The following HID1 variants were observed in gnomAD, a reference collection of about 807,000 sequenced individuals.
The protein encoded by HID1 is protein HID1.
In HID1, 42 loss-of-function variants were observed where a neutral mutation model predicts 89.7. That is an observed-to-expected ratio of 0.47 (90% confidence interval 0.37 to 0.61). The LOEUF (loss-of-function observed/expected upper bound fraction) is 0.61. HID1 is among the 20% of genes least tolerant of loss of function. HID1 has a pLI of 0.00. For synonymous variants in HID1, 442 were observed against 433.8 expected (o/e 1.02, Z -0.24); for missense variants, 854 against 1,039.3 (o/e 0.82, Z 2.45).
rs532581160 is a variant in HID1, at chr17:74,962,448, G to A, written c.505-108C>T. 8.2e-5 allele frequency: 53 copies of A among 646,034 alleles called. No individual in the cohort carries two copies. The South Asian group carries it at 8.7e-4, about 11-fold the overall frequency. The allele number at this position is 646,034 out of a possible 1,614,324, so 40.0% of individuals were successfully genotyped here. A position where few individuals can be genotyped will look rare whatever the true frequency, so the allele number is the denominator to read the frequency against. On this transcript the variant is annotated intron_variant, in intron 4 of 18. Coordinates refer to ENST00000425042, the MANE Select transcript of HID1 (RefSeq NM_030630.3). The surrounding 1 kb of genome is among the most constrained non-coding windows in gnomAD (Gnocchi z 4.3). The stretch of plus-strand genomic sequence containing the variant: ...TCACACAGTCCCAGGGGCAGAGACC[G>A]CCAGTTCTCCTAAAGACAGGTCCTC...
At chr17:74,960,361 A>G in intron 6 of HID1, 113 bp from the exon 7 acceptor site, 1 of 883,356 alleles carries the variant, frequency 1.1e-6, no homozygotes, top group Non-Finnish European at 1.7e-6. Context: ...TTTTAGCACC[A>G]CGTCAGGGAG....
intron 3 of HID1, 47 bp downstream of exon 3, chr17:74,963,693 G>A (rs1323119970): frequency 2.6e-6 from 4 of 1,536,528 alleles, no homozygotes; most frequent in African/African-American, 1.4e-5. Context: ...CGCTCTCCCT[G>A]TGACGCCAAC....
At chr17:74,954,642 T>C in intron 13 of HID1, 1 of 523,470 alleles carries the variant, frequency 1.9e-6, no homozygotes, top group Non-Finnish European at 3.4e-6. Flanking sequence ...ACTAAACAGC[T>C]AACACCTGGC....
rs2144795788 is a variant in HID1 at position 74,951,401 on chromosome 17, A to G, written c.*169T>C. ...CTAGGGGTTGAGGGGGATCTGAGCC[A>G]GTTCACATTGTCCTGGCCACAGGGG... On this transcript the variant is annotated 3_prime_UTR_variant, in exon 19 of 19. Transcript: ENST00000425042. 1.5e-6 allele frequency: 1 copy of G among 646,084 alleles called. No individual in the cohort carries two copies. Among genetic ancestry groups the G allele is most frequent in the South Asian group, 1.9e-5 (1 of 53,520 alleles). 40.0% of individuals were successfully genotyped at this position (646,084 alleles called of 1,614,324 possible).
chr17:74,954,456 AG>A, intron 13 of HID1, 91 bp from the exon 14 acceptor site: 1 of 1,537,684 alleles, frequency 6.5e-7, no homozygotes, highest in Non-Finnish European at 8.7e-7. Flanking sequence ...GGGAGTTTGG[AG>A]GACAGGAGGG....
chr17:74,968,829 CAT>C (rs2039600843), intron 1 of HID1, among the ~76,000 whole-genome samples: 1 of 152,226 alleles, frequency 6.6e-6, no homozygotes. Context: ...CACAAGCAGG[CAT>C]GACCTCTGAC....
At position 74,962,139 on chromosome 17, in the gene HID1, G is replaced by C; in HGVS notation, c.611+95C>G. 8.3e-7 allele frequency: 1 copy of C among 1,203,656 alleles called. No homozygotes were observed. Among genetic ancestry groups the C allele is most frequent in the Admixed American group, 2.2e-5 (1 of 45,920 alleles). 74.6% of individuals were successfully genotyped at this position (1,203,656 alleles called of 1,614,324 possible). On this transcript the variant is annotated intron_variant, in intron 5 of 18. Transcript: ENST00000425042. The surrounding 1 kb of genome is among the most constrained non-coding windows in gnomAD (Gnocchi z 4.3). ...CAAGGTCGGGTCATAGGTGAGGACG[G>C]TCTTCTGGGAAGACCCCATGGGCTT... is the stretch of plus-strand genomic sequence containing the variant.
intron 1 of HID1, among the ~76,000 whole-genome samples, chr17:74,964,923 T>C (rs1219584255): frequency 6.6e-6 from 1 of 152,076 alleles, no homozygotes; most frequent in Non-Finnish European, 1.5e-5. Context: ...TAAGTCACCA[T>C]CCTCCCCTGG....
At chr17:74,969,915 C>A (rs946562244) in intron 1 of HID1, among the ~76,000 whole-genome samples, 142 of 84,464 alleles carry the variant, frequency 1.7e-3, no homozygotes, top group Admixed American at 8.3e-3. Context: ...TCAGATTTTT[C>A]TTTTTTCTTT....
Position 74,958,250 on chromosome 17 carries a change from G to A in HID1, c.1393-31C>T. 1 of 1,607,886 alleles carries A rather than the reference G, an allele frequency of 6.2e-7. No homozygotes were observed. The highest frequency in any genetic ancestry group is 8.5e-7 in the Non-Finnish European group (1 of 1,177,276). ...CCAGGAGGGACAGAGGCACCGTGGG[G>A]TCCCCGCTGCCTCCAGACTCAGCCA... On this transcript the variant is annotated intron_variant, in intron 11 of 18. Transcript: ENST00000425042. The surrounding 1 kb of genome is among the most constrained non-coding windows in gnomAD (Gnocchi z 5.2).
chr17:74,951,253 C>A lies in HID1; in HGVS notation c.*317G>T. The A allele has an allele frequency of 2.4e-6, 1 of 424,654 alleles. No homozygotes were observed. Among genetic ancestry groups the A allele is most frequent in the Non-Finnish European group, 4.3e-6 (1 of 235,046 alleles). The allele number at this position is 424,654 out of a possible 1,614,324, so 26.3% of individuals were successfully genotyped here. A position where few individuals can be genotyped will look rare whatever the true frequency, so the allele number is the denominator to read the frequency against. Reference sequence around the variant, plus strand: ...CTTCTGCCTCTGGGGCTGGGTAGCACAGGAGTGGGTGGGCACTGAGGGGCC... The same window carrying A: ...CTTCTGCCTCTGGGGCTGGGTAGCAAAGGAGTGGGTGGGCACTGAGGGGCC... On this transcript the variant is annotated 3_prime_UTR_variant, in exon 19 of 19. Coordinates refer to ENST00000425042, the MANE Select transcript of HID1 (RefSeq NM_030630.3).
chr17:74,960,351 T>C, intron 6 of HID1, 103 bp from the exon 7 acceptor site: 1 of 962,982 alleles, frequency 1.0e-6, no homozygotes. Context: ...TCAACAAGCA[T>C]TTTAGCACCA....
At position 74,959,131 on chromosome 17, in the gene HID1, TC is replaced by T. The variant is rs959456858; in HGVS notation, c.1009-81del. 6.0e-5 allele frequency: 84 copies of T among 1,395,416 alleles called. 1 individual carries two copies. The African/African-American group carries it at 9.7e-4, about 16-fold the overall frequency. 86.4% of individuals were successfully genotyped at this position (1,395,416 alleles called of 1,614,324 possible). ...TTTCCCAGCCCAGGCCCCCAACAAA[TC>T]CCCCCCTCCATCCCCCAGAGCCAGA... On this transcript the variant is annotated intron_variant, in intron 8 of 18. Transcript: ENST00000425042. This position sits in a 1 kb window ranked among gnomAD's most constrained non-coding sequence, Gnocchi z 4.6.
chr17:74,954,095 C>T lies in HID1; in HGVS notation c.1864+43G>A, dbSNP rs540867160. On this transcript the variant is annotated intron_variant, in intron 14 of 18. Coordinates refer to ENST00000425042, the MANE Select transcript of HID1 (RefSeq NM_030630.3). ...CCCGAGACCATGTCCCTCCCCCAGC[C>T]ACACCAGTATCCACACTCCTGTCCC... The T allele has an allele frequency of 2.7e-5, 41 of 1,527,420 alleles. No homozygotes were observed. The African/African-American group carries it at 5.2e-4, about 19-fold the overall frequency. The allele number at this position is 1,527,420 out of a possible 1,614,324, so 94.6% of individuals were successfully genotyped here.
chr17:74,963,108 C>T, intron 3 of HID1, 27 bp from the exon 4 acceptor site: 4 of 1,529,340 alleles, frequency 2.6e-6, no homozygotes, highest in Non-Finnish European at 3.6e-6. Context: ...CACAGGCTGC[C>T]TCAGTGATAG....
Position 74,953,688 on chromosome 17 carries a change from C to A in HID1, c.1865-37G>T, listed in dbSNP as rs768344014. The A allele has an allele frequency of 5.3e-6, 8 of 1,506,432 alleles. No homozygotes were observed. In the South Asian group the frequency reaches 7.9e-5, roughly 15 times the overall value. 93.3% of individuals were successfully genotyped at this position (1,506,432 alleles called of 1,614,324 possible). Reference sequence around the variant, plus strand: ...ACAGGTGGGAGTGAGGACTCCCTGCCACAGTGACCCTTCTAGCCCTTCCTC... The same window carrying A: ...ACAGGTGGGAGTGAGGACTCCCTGCAACAGTGACCCTTCTAGCCCTTCCTC... On this transcript the variant is annotated intron_variant, in intron 14 of 18. Transcript: ENST00000425042.
rs372660922 is a variant in HID1 at position 74,962,971 on chromosome 17, G to A, written c.498C>T (p.Ser166=). 1.9e-6 allele frequency: 3 copies of A among 1,610,168 alleles called. No individual in the cohort carries two copies. In the African/African-American group the frequency reaches 4.0e-5, roughly 22 times the overall value. The change falls in exon 4 of 19, where the codon AGC becomes AGT. Residue 166 remains serine (S), a synonymous_variant. Coordinates refer to ENST00000425042, the MANE Select transcript of HID1 (RefSeq NM_030630.3). This position sits in a 1 kb window ranked among gnomAD's most constrained non-coding sequence, Gnocchi z 4.3. ...PDFTVQSHRR[S]TVDSAEDVHS... ...GGGGCTGGGGGACACTCACCACAGT[G>A]CTCCTCCGGTGGCTCTGAACCGTGA... is the stretch of plus-strand genomic sequence containing the variant.
chr17:74,954,063 G>A, intron 14 of HID1, 75 bp downstream of exon 14: 1 of 1,368,236 alleles, frequency 7.3e-7, no homozygotes, highest in East Asian at 2.5e-5. Flanking sequence ...AGAGATGGGG[G>A]TGACACCCCG....
At position 74,962,304 on chromosome 17, in the gene HID1, C is replaced by T. The variant is rs781581387; in HGVS notation, c.541G>A (p.Glu181Lys). Residue 181 changes from glutamate to lysine, a missense_variant, in exon 5 of 19, where the codon GAA becomes AAA. By Grantham distance (56) the Glu-to-Lys change is moderately conservative. Coordinates refer to ENST00000425042, the MANE Select transcript of HID1 (RefSeq NM_030630.3). The surrounding 1 kb of genome is among the most constrained non-coding windows in gnomAD (Gnocchi z 4.3). ...CCCACACCAGCCTCCCAGATGTATT[C>T]ACAGCTGTCCAGGGAGTGGACGTCC... ...AEDVHSLDSC[E>K]YIWEAGVGFA... The T allele has an allele frequency of 2.5e-6, 4 of 1,612,476 alleles. No individual in the cohort carries two copies. The East Asian group carries it at 8.9e-5, about 36-fold the overall frequency.
Sources: gnomAD v4.1 joint callset for allele counts (sites outside exome capture counted in the v4.1 genomes callset) on GRCh38, gnomAD v4.1.1 for gene constraint, Gnocchi (gnomAD v3.1) non-coding constraint, MANE v1.5 for transcripts, NCBI Gene and HGNC (gene_info 2026-07-23, HGNC 2026-07-21) for gene names.